The following PODXL2 variants were observed in gnomAD, a reference collection of about 807,000 sequenced individuals.
PODXL2 encodes the protein podocalyxin like 2, also known as podocalyxin-like protein 2.
A neutral mutation model predicts 53.4 loss-of-function variants in PODXL2; 17 were observed. The ratio of observed to expected loss-of-function variants is 0.32; its 90% CI spans 0.22 to 0.48. The LOEUF (loss-of-function observed/expected upper bound fraction) is 0.48. PODXL2 is among the 20% of genes least tolerant of loss of function. The probability of loss-of-function intolerance (pLI) is 0.99; values close to 1 mark genes in which losing one functional copy is unlikely to be tolerated. For synonymous variants in PODXL2, 311 were observed against 306.7 expected (o/e 1.01, Z -0.15); for missense variants, 673 against 760.0 (o/e 0.89, Z 1.35).
intron 2 of PODXL2, among the ~76,000 whole-genome samples, chr3:127,656,256 C>A (rs2074722425): frequency 6.6e-6 from 1 of 152,072 alleles, no homozygotes; most frequent in Non-Finnish European, 1.5e-5. Flanking sequence ...TATGAAGAAC[C>A]TTAGAAATCA....
At chr3:127,652,073 G>A (rs1293310839) in intron 2 of PODXL2, among the ~76,000 whole-genome samples, 4 of 152,188 alleles carry the variant, frequency 2.6e-5, no homozygotes, top group Non-Finnish European at 5.9e-5. Flanking sequence ...AGCCAAGCCC[G>A]GGTGCTGGAC....
chr3:127,664,179 C>T (rs1031694189), intron 4 of PODXL2, among the ~76,000 whole-genome samples: 21 of 152,270 alleles, frequency 1.4e-4, no homozygotes, highest in African/African-American at 5.1e-4. Flanking sequence ...TCCTTGCACC[C>T]ACCATTCTCC....
intron 2 of PODXL2, among the ~76,000 whole-genome samples, chr3:127,639,742 GAGCCT>G (rs879481582): frequency 1.3e-5 from 2 of 152,160 alleles, no homozygotes; most frequent in African/African-American, 2.4e-5. Context: ...ACTGTTTAGG[GAGCCT>G]TTATTCTGTG....
rs779038521 is a variant in PODXL2 at position 127,666,096 on chromosome 3, T to C, written c.1207-2345T>C. 2.6e-4 allele frequency: 58 copies of C among 222,326 alleles called. 1 individual carries two copies. The highest frequency in any genetic ancestry group is 5.3e-4 in the Non-Finnish European group (56 of 105,282). 13.8% of individuals were successfully genotyped at this position (222,326 alleles called of 1,614,324 possible). A position where few individuals can be genotyped will look rare whatever the true frequency, so the allele number is the denominator to read the frequency against. On this transcript the variant is annotated intron_variant, in intron 4 of 7. Transcript: ENST00000342480. ...ATGTACACATATTAAAAGTACAAAT[T>C]CAGTATTTCCAATTCTAATCCATCA...
chr3:127,665,132 G>A (rs1273610405), intron 4 of PODXL2, among the ~76,000 whole-genome samples: 3 of 152,138 alleles, frequency 2.0e-5, no homozygotes, highest in East Asian at 3.8e-4. Flanking sequence ...TTCCAATAAT[G>A]TCCTTTATAG....
In PODXL2 at chr3:127,672,788, A is replaced by C; in HGVS notation, c.*308A>C. 3.4e-6 allele frequency: 1 copy of C among 296,820 alleles called. No homozygotes were observed. 18.4% of individuals were successfully genotyped at this position (296,820 alleles called of 1,614,324 possible). On this transcript the variant is annotated 3_prime_UTR_variant, in exon 8 of 8. Transcript: ENST00000342480. ...ACTCAATTAAACCCGCCCGGAGACCACGCCGGGCCCAGCGCGTCTGCCTTC... is the reference window on the plus strand; with the variant it reads ...ACTCAATTAAACCCGCCCGGAGACCCCGCCGGGCCCAGCGCGTCTGCCTTC...
At chr3:127,633,797 G>A (rs1251503351) in intron 1 of PODXL2, among the ~76,000 whole-genome samples, 1 of 152,004 alleles carries the variant, frequency 6.6e-6, no homozygotes, top group Non-Finnish European at 1.5e-5. Context: ...ATAGAGAGGA[G>A]TGGTGTCTCA....
intron 7 of PODXL2, 49 bp from the exon 8 acceptor site, chr3:127,672,219 G>T: frequency 1.3e-6 from 2 of 1,494,588 alleles, no homozygotes; most frequent in Non-Finnish European, 1.8e-6. Context: ...GCCTGGCGCT[G>T]TCCGGGGGCT....
At chr3:127,661,405 A>T (rs1438594602) in intron 3 of PODXL2, among the ~76,000 whole-genome samples, 1 of 150,686 alleles carries the variant, frequency 6.6e-6, no homozygotes, top group East Asian at 1.9e-4. Flanking sequence ...TCATTTGTTC[A>T]TGTGTTACCA....
chr3:127,650,728 C>G lies in PODXL2; in HGVS notation c.350-9650C>G, dbSNP rs190893483. ...CTGGAGTGCAGTGGTGCGATCTCGG[C>G]TCACTGCAAGCCCCGCCTCCTGGGT... On this transcript the variant is annotated intron_variant, in intron 2 of 7. Coordinates refer to ENST00000342480, the MANE Select transcript of PODXL2 (RefSeq NM_015720.4). 1.5e-3 allele frequency among the ~76,000 whole-genome samples: 221 copies of G among 152,260 alleles called. 1 individual carries two copies. Among genetic ancestry groups the G allele is most frequent in the African/African-American group, 5.0e-3 (209 of 41,566 alleles).
chr3:127,632,748 T>G (rs1576425442), intron 1 of PODXL2, among the ~76,000 whole-genome samples: 1 of 152,350 alleles, frequency 6.6e-6, no homozygotes, highest in Non-Finnish European at 1.5e-5. Flanking sequence ...GTTTGTAATT[T>G]TCCTGAGGGC....
chr3:127,668,414 C>T, intron 4 of PODXL2, 27 bp from the exon 5 acceptor site: 1 of 1,498,328 alleles, frequency 6.7e-7, no homozygotes, highest in Non-Finnish European at 8.9e-7. Context: ...CTTCACTGAA[C>T]ACGGGGGGCT....
intron 2 of PODXL2, 68 bp from the exon 3 acceptor site, chr3:127,660,310 C>T (rs917857854): frequency 1.7e-5 from 26 of 1,560,954 alleles, no homozygotes; most frequent in African/African-American, 2.7e-5. Context: ...ATGCCATCTG[C>T]CCAGTAAATA....
Position 127,660,951 on chromosome 3 carries a change from C to T in PODXL2, c.923C>T (p.Ser308Leu). 1 of 1,614,246 alleles carries T rather than the reference C, an allele frequency of 6.2e-7. No individual in the cohort carries two copies. The highest frequency in any genetic ancestry group is 8.5e-7 in the Non-Finnish European group (1 of 1,180,046). The stretch of plus-strand genomic sequence containing the variant: ...CACGAGGAGGTGCCGGCCTTGCCTT[C>T]ATTCCCTCAAACCACAGCTCCCAGT... ...GQHEEVPALP[S>L]FPQTTAPSGA... Residue 308 changes from serine (S) to leucine (L), a missense_variant, in exon 3 of 8, where the codon TCA becomes TTA. This residue lies in a region of PODXL2 where 588 missense variants were observed against 668.3 expected (regional missense o/e 0.88). Transcript: ENST00000342480.
At position 127,669,986 on chromosome 3, in the gene PODXL2, C is replaced by T. The variant is rs1264466730; in HGVS notation, c.1425+784C>T. Among the ~76,000 whole-genome samples the T allele has an allele frequency of 5.9e-5, 9 of 152,246 alleles. 1 individual carries two copies. Among genetic ancestry groups the T allele is most frequent in the African/African-American group, 1.7e-4 (7 of 41,460 alleles). Reference sequence around the variant, plus strand: ...CCCTGTCATCAGCCCTCTCCACTCCCGAAGGTGCTGCCATTTTTGGCAGGA... The same window carrying T: ...CCCTGTCATCAGCCCTCTCCACTCCTGAAGGTGCTGCCATTTTTGGCAGGA... On this transcript the variant is annotated intron_variant, in intron 6 of 7. Transcript: ENST00000342480.
chr3:127,655,126 A>G (rs1433582735), intron 2 of PODXL2, among the ~76,000 whole-genome samples: 1 of 151,990 alleles, frequency 6.6e-6, no homozygotes, highest in African/African-American at 2.4e-5. Context: ...TATTTTTAGT[A>G]GAGACGGGAT....
intron 2 of PODXL2, among the ~76,000 whole-genome samples, chr3:127,643,931 G>A (rs1048570083): frequency 3.9e-5 from 6 of 152,086 alleles, no homozygotes; most frequent in Non-Finnish European, 7.4e-5. Context: ...GAGCCAGCAC[G>A]CCTGGCCCCT....
chr3:127,638,041 C>T (rs557119342), intron 1 of PODXL2, among the ~76,000 whole-genome samples: 216 of 152,286 alleles, frequency 1.4e-3, no homozygotes, highest in African/African-American at 5.0e-3. Context: ...ATTCCCTCTT[C>T]CCTAGATCCT....
Position 127,668,549 on chromosome 3 carries a change from C to G in PODXL2, c.1315C>G (p.Pro439Ala). Residue 439 changes from proline (P) to alanine (A), a missense_variant, in exon 5 of 8, where the codon CCC becomes GCC. Pro to Ala is a conservative substitution (Grantham distance 27). Transcript: ENST00000342480. Reference protein sequence around the residue: ...HGAWHISLSKPSEKEQHLLMT... With the variant: ...HGAWHISLSKASEKEQHLLMT... ...GGCCTGGCACATCTCTCTGAGCAAG[C>G]CCAGCGAGAAGGAGCAGCACCTTCT... 6.3e-7 allele frequency: 1 copy of G among 1,577,162 alleles called. No homozygotes were observed.
Sources: gnomAD v4.1 joint callset for allele counts (sites outside exome capture counted in the v4.1 genomes callset) on GRCh38, gnomAD v4.1.1 for gene constraint, gnomAD v4.1.1 regional missense constraint, MANE v1.5 for transcripts, NCBI Gene and HGNC (gene_info 2026-07-23, HGNC 2026-07-21) for gene names.